SUGCT: variants seen among roughly 807,000 people sequenced by gnomAD.
SUGCT encodes succinyl-CoA:glutarate-CoA transferase.
A neutral mutation model predicts 55.0 loss-of-function variants in SUGCT; 41 were observed. That is an observed-to-expected ratio of 0.74 (90% CI 0.58 to 0.97). The LOEUF is 0.97. SUGCT is among the 50% of genes least tolerant of loss of function. The probability of loss-of-function intolerance (pLI) is 0.00; values close to 1 mark genes in which losing one functional copy is unlikely to be tolerated. For missense variants in SUGCT, 568 were observed against 547.8 expected (o/e 1.04, Z -0.37); for synonymous variants, 187 against 200.4 (o/e 0.93, Z 0.56).
chr7:40,555,148 G>A (rs1401170624), intron 12 of SUGCT, among the ~76,000 whole-genome samples: 1 of 152,036 alleles, frequency 6.6e-6, no homozygotes, highest in East Asian at 1.9e-4. Flanking sequence ...TTATGAGGCA[G>A]TGTGGGTATT....
chr7:40,259,487 G>A (rs1206172913), intron 7 of SUGCT, among the ~76,000 whole-genome samples: 1 of 152,194 alleles, frequency 6.6e-6, no homozygotes, highest in Non-Finnish European at 1.5e-5. Flanking sequence ...ATAAGTATAT[G>A]AAGTAATGCA....
the SUGCT span, among the ~76,000 whole-genome samples, chr7:40,877,114 TCTTC>T: frequency 6.6e-6 from 1 of 152,228 alleles, no homozygotes; most frequent in Non-Finnish European, 1.5e-5. Context: ...TGAAGGAATC[TCTTC>T]CTTCCTTCAA....
intron 9 of SUGCT, among the ~76,000 whole-genome samples, chr7:40,356,450 A>G (rs1307955640): frequency 2.0e-5 from 3 of 152,198 alleles, no homozygotes; most frequent in Admixed American, 6.5e-5. Context: ...GTTTATCCCT[A>G]TTACAGGCAT....
At chr7:40,452,607 C>G (rs1789251145) in intron 10 of SUGCT, among the ~76,000 whole-genome samples, 6 of 152,182 alleles carry the variant, frequency 3.9e-5, no homozygotes, top group Admixed American at 3.9e-4. Context: ...TAGGTGAACT[C>G]TGTCACGGTC....
At chr7:40,574,436 T>A (rs769868703) in intron 12 of SUGCT, among the ~76,000 whole-genome samples, 3 of 151,860 alleles carry the variant, frequency 2.0e-5, no homozygotes, top group Non-Finnish European at 2.9e-5. Context: ...TTTGTTTTGT[T>A]GTTGTTGTTG....
downstream of SUGCT, among the ~76,000 whole-genome samples, chr7:40,865,712 C>T (rs1176743795): frequency 1.3e-5 from 2 of 152,094 alleles, no homozygotes; most frequent in Admixed American, 6.6e-5. Context: ...TCTGCTCCAG[C>T]GTCAGGCTGG....
At chr7:40,663,578 TG>T (rs1801448460) in intron 12 of SUGCT, among the ~76,000 whole-genome samples, 1 of 152,020 alleles carries the variant, frequency 6.6e-6, no homozygotes, top group African/African-American at 2.4e-5. Flanking sequence ...AGATCCTCTG[TG>T]ATGGGGTGGT....
chr7:41,037,267 C>A, the SUGCT span, among the ~76,000 whole-genome samples: 1 of 152,044 alleles, frequency 6.6e-6, no homozygotes, highest in African/African-American at 2.4e-5. Context: ...CCCACATAGA[C>A]ACTCTCGCCT....
chr7:40,185,943 G>T (rs1176692915), intron 3 of SUGCT, among the ~76,000 whole-genome samples: 1 of 151,924 alleles, frequency 6.6e-6, no homozygotes, highest in Non-Finnish European at 1.5e-5. Flanking sequence ...ATTCAACACA[G>T]ATATGAGAAA....
chr7:40,513,393 T>C (rs1359940335), intron 12 of SUGCT, among the ~76,000 whole-genome samples: 2 of 152,170 alleles, frequency 1.3e-5, no homozygotes, highest in Admixed American at 6.5e-5. Context: ...GGGAGCTATA[T>C]TGAACTACAA....
At chr7:40,258,647 G>A (rs1790995001) in intron 7 of SUGCT, among the ~76,000 whole-genome samples, 1 of 152,208 alleles carries the variant, frequency 6.6e-6, no homozygotes, top group African/African-American at 2.4e-5. Flanking sequence ...AAAGTGCTGG[G>A]ATTATAGGCG....
intron 7 of SUGCT, among the ~76,000 whole-genome samples, chr7:40,248,247 G>A (rs1790046340): frequency 6.6e-6 from 1 of 152,136 alleles, no homozygotes; most frequent in Admixed American, 6.5e-5. Flanking sequence ...CTGACCTCAG[G>A]TGATCTGCCC....
chr7:40,787,396 G>A lies in SUGCT; in HGVS notation c.1153+37899G>A, dbSNP rs114583574. ...GACCTACTAGAAATGGTGACTTAAAGCTCGCACCAGTTTTGCTGGGTCTGG... is the reference window on the plus strand; with the variant it reads ...GACCTACTAGAAATGGTGACTTAAAACTCGCACCAGTTTTGCTGGGTCTGG... On this transcript the variant is annotated intron_variant, in intron 13 of 13. Coordinates refer to ENST00000335693, the MANE Select transcript of SUGCT (RefSeq NM_001193313.2). Among the ~76,000 whole-genome samples the A allele has an allele frequency of 2.8e-3, 429 of 152,012 alleles. 1 individual carries two copies. Among genetic ancestry groups the A allele is most frequent in the African/African-American group, 1.0e-2 (413 of 41,490 alleles).
At chr7:40,549,737 A>T (rs997931226) in intron 12 of SUGCT, among the ~76,000 whole-genome samples, 1 of 152,232 alleles carries the variant, frequency 6.6e-6, no homozygotes, top group Non-Finnish European at 1.5e-5. Context: ...TGGAAATAGC[A>T]TGAGGAGGCA....
At chr7:40,415,144 C>G (rs1286073430) in intron 9 of SUGCT, among the ~76,000 whole-genome samples, 1 of 149,210 alleles carries the variant, frequency 6.7e-6, no homozygotes, top group African/African-American at 2.5e-5. Context: ...GGTGGCAGGC[C>G]CCTGTAATCC....
chr7:40,371,054 A>G (rs1784272480), intron 9 of SUGCT, among the ~76,000 whole-genome samples: 1 of 152,156 alleles, frequency 6.6e-6, no homozygotes, highest in Non-Finnish European at 1.5e-5. Flanking sequence ...ACTTCCAAAG[A>G]CCATGAGTGT....
chr7:40,610,152 C>A (rs558742868), intron 12 of SUGCT, among the ~76,000 whole-genome samples: 2 of 152,258 alleles, frequency 1.3e-5, no homozygotes, highest in South Asian at 4.1e-4. Flanking sequence ...GGCTTGGGGC[C>A]TAAGGGAAAG....
Position 40,339,442 on chromosome 7 carries a change from A to G in SUGCT, c.816+22587A>G, listed in dbSNP as rs188602091. Reference sequence around the variant, plus strand: ...TTGTTTACCTACTCAAGCCTCAGCAATGGTGGGCGCCCCTCTCCTAGCCTC... The same window carrying G: ...TTGTTTACCTACTCAAGCCTCAGCAGTGGTGGGCGCCCCTCTCCTAGCCTC... On this transcript the variant is annotated intron_variant, in intron 9 of 13. Transcript: ENST00000335693. 3.7e-3 allele frequency among the ~76,000 whole-genome samples: 568 copies of G among 152,272 alleles called. 1 individual carries two copies. The highest frequency in any genetic ancestry group is 5.4e-3 in the Non-Finnish European group (366 of 68,022).
intron 6 of SUGCT, among the ~76,000 whole-genome samples, chr7:40,226,831 G>A (rs1386808377): frequency 1.3e-5 from 2 of 151,724 alleles, no homozygotes; most frequent in Non-Finnish European, 2.9e-5. Context: ...TTGGCCCAGC[G>A]TGGTGGCTCA....
Sources: gnomAD v4.1 joint callset for allele counts (sites outside exome capture counted in the v4.1 genomes callset) on GRCh38, gnomAD v4.1.1 for gene constraint, MANE v1.5 for transcripts, NCBI Gene and HGNC (gene_info 2026-07-23, HGNC 2026-07-21) for gene names.